The following ITGAE variants were observed in gnomAD, a reference collection of about 807,000 sequenced individuals.
The protein encoded by ITGAE is integrin alpha-E.
A neutral mutation model predicts 136.5 loss-of-function variants in ITGAE; 99 were observed. The ratio of observed to expected loss-of-function variants is 0.73; its 90% confidence interval spans 0.62 to 0.86. The LOEUF is 0.86. Ranked by LOEUF, ITGAE falls within the 40% of genes least tolerant of loss-of-function variation. The pLI, the probability that ITGAE is intolerant of heterozygous loss-of-function variation, is 0.00. For synonymous variants in ITGAE, 613 were observed against 591.8 expected (o/e 1.04, Z -0.52); for missense variants, 1,447 against 1,515.3 (o/e 0.95, Z 0.75).
rs186423998 is a variant in ITGAE at position 3,743,512 on chromosome 17, T to A, written c.2425A>T (p.Thr809Ser). Residue 809 changes from threonine (T) to serine (S), a missense_variant, in exon 19 of 31, where the codon ACT becomes TCT. Physicochemically the swap from Thr to Ser is moderately conservative, Grantham distance 58 (BLOSUM62 1). This residue lies in a region of ITGAE where 1,031 missense variants were observed against 1,011.4 expected (regional missense o/e 1.02). Transcript: ENST00000263087. Reference protein sequence around the residue: ...DHPQPILDRYTEPFAIFQLPY... With the variant: ...DHPQPILDRYSEPFAIFQLPY... The stretch of plus-strand genomic sequence containing the variant: ...ACCTGGAAGATGGCAAAGGGCTCAG[T>A]GTAGCGGTCCAGGATGGGCTGGGGA... The A allele has an allele frequency of 1.9e-6, 3 of 1,608,100 alleles. No homozygotes were observed. The Admixed American group carries it at 5.2e-5, about 28-fold the overall frequency.
At position 3,755,071 on chromosome 17, in the gene ITGAE, G is replaced by GCCCTCATCAGGTGGCCCCA. The variant is rs750507707; in HGVS notation, c.1384+45_1384+46insTGGGGCCACCTGATGAGGG. Reference sequence around the variant, plus strand: ...CTCGCCCAGGGAGCCTCCAGGCCCCGCCCTCATCAGGTGGCCCCGCCCTCA... The same window carrying GCCCTCATCAGGTGGCCCCA: ...CTCGCCCAGGGAGCCTCCAGGCCCCGCCCTCATCAGGTGGCCCCACCCTCATCAGGTGGCCCCGCCCTCA... On this transcript the variant is annotated intron_variant, in intron 12 of 30. Transcript: ENST00000263087. 8.8e-6 allele frequency: 12 copies of GCCCTCATCAGGTGGCCCCA among 1,358,828 alleles called. No homozygotes were observed. The African/African-American group carries it at 1.8e-4, about 20-fold the overall frequency. The allele number at this position is 1,358,828 out of a possible 1,614,324, so 84.2% of individuals were successfully genotyped here. A position where few individuals can be genotyped will look rare whatever the true frequency, so the allele number is the denominator to read the frequency against.
chr17:3,795,692 A>G (rs2053049273), intron 1 of ITGAE, among the ~76,000 whole-genome samples: 1 of 152,222 alleles, frequency 6.6e-6, no homozygotes, highest in Non-Finnish European at 1.5e-5. Flanking sequence ...ACTGAGCTGG[A>G]GCAGGGCTCT....
chr17:3,743,308 C>T (rs1222034712), intron 19 of ITGAE, among the ~76,000 whole-genome samples, 181 bp downstream of exon 19: 1 of 152,246 alleles, frequency 6.6e-6, no homozygotes, highest in Admixed American at 6.5e-5. Flanking sequence ...TGAGTCCTCA[C>T]TCACGGGGAC....
intron 1 of ITGAE, among the ~76,000 whole-genome samples, chr17:3,800,173 G>A (rs1382147694): frequency 6.6e-6 from 1 of 152,202 alleles, no homozygotes; most frequent in African/African-American, 2.4e-5. Context: ...CCAAAAACGT[G>A]TTCCTTGCTG....
intron 2 of ITGAE, among the ~76,000 whole-genome samples, chr17:3,770,321 G>T (rs1245635705): frequency 1.3e-5 from 2 of 151,536 alleles, no homozygotes; most frequent in South Asian, 4.2e-4. Context: ...GTAGAGATGG[G>T]TTTTCACCAT....
At position 3,720,332 on chromosome 17, in the gene ITGAE, A is replaced by T. The variant is rs1401494626; in HGVS notation, c.3308T>A (p.Leu1103Gln). 4 of 1,582,820 alleles carry T rather than the reference A, an allele frequency of 2.5e-6. No individual in the cohort carries two copies. Among genetic ancestry groups the T allele is most frequent in the Non-Finnish European group, 3.5e-6 (4 of 1,151,664 alleles). ...ISFNKSLYEG[L>Q]NAENHRTKIT... ...CTTAGTTCTGTGGTTCTCTGCATTC[A>T]GTCCCTCATATAGAGATTTGTTGAA... is the stretch of plus-strand genomic sequence containing the variant. Residue 1103 changes from leucine to glutamine, a missense_variant, in exon 29 of 31, where the codon CTG (leucine) becomes CAG (glutamine). Physicochemically the swap from Leu to Gln is moderately radical, Grantham distance 113. Around this residue, in one of 3 missense-constraint regions of ITGAE, gnomAD observed 1,031 missense variants for 1,011.4 expected, o/e 1.02. Coordinates refer to ENST00000263087, the MANE Select transcript of ITGAE (RefSeq NM_002208.5).
At chr17:3,771,540 T>C (rs554580723) in intron 2 of ITGAE, among the ~76,000 whole-genome samples, 2,610 of 132,850 alleles carry the variant, frequency 0.02, 86 homozygotes, top group African/African-American at 0.07. Flanking sequence ...TTCTCTTTTT[T>C]TTTTTTTTTT....
intron 1 of ITGAE, among the ~76,000 whole-genome samples, chr17:3,783,781 T>C (rs1000868893): frequency 2.6e-5 from 4 of 152,206 alleles, no homozygotes; most frequent in African/African-American, 4.8e-5. Context: ...GGGAAGGAGA[T>C]ATATGCACAC....
Position 3,777,791 on chromosome 17 carries a change from TGAGA to T in ITGAE, c.35-135_35-132del, listed in dbSNP as rs995399676. ...CTGCCCAGGGATCTTTATGTGTGTG[TGAGA>T]GAGAAAGACTAGACGCAGGTGTATC... On this transcript the variant is annotated intron_variant, in intron 1 of 30. Coordinates refer to ENST00000263087, the MANE Select transcript of ITGAE (RefSeq NM_002208.5). 146 of 1,093,318 alleles carry T rather than the reference TGAGA, an allele frequency of 1.3e-4. 1 individual carries two copies. In the East Asian group the frequency reaches 3.0e-3, roughly 23 times the overall value. 67.7% of individuals were successfully genotyped at this position (1,093,318 alleles called of 1,614,324 possible).
Position 3,781,702 on chromosome 17 carries a change from T to A in ITGAE, c.35-4042A>T, listed in dbSNP as rs373418780. On this transcript the variant is annotated intron_variant, in intron 1 of 30. Transcript: ENST00000263087. ...GAACCTTTTGTCCATCTGGATTTTA[T>A]TTTTACATTTGGAGTGAAATAGGGA... Among the ~76,000 whole-genome samples, 6 of 152,352 alleles carry A rather than the reference T, an allele frequency of 3.9e-5. No homozygotes were observed. The South Asian group carries it at 1.2e-3, about 32-fold the overall frequency.
At chr17:3,784,114 G>A (rs962103776) in intron 1 of ITGAE, among the ~76,000 whole-genome samples, 1 of 151,990 alleles carries the variant, frequency 6.6e-6, no homozygotes, top group Non-Finnish European at 1.5e-5. Context: ...CAAAAAATTA[G>A]CCGGGCGTGG....
intron 17 of ITGAE, among the ~76,000 whole-genome samples, chr17:3,747,158 C>T (rs1597326837): frequency 6.6e-6 from 1 of 152,210 alleles, no homozygotes; most frequent in African/African-American, 2.4e-5. Context: ...GAAAGAGAAA[C>T]CAGGCCTCCA....
chr17:3,767,916 T>TGAG lies in ITGAE; in HGVS notation c.156-3959_156-3957dup, dbSNP rs998849094. 2.6e-5 allele frequency among the ~76,000 whole-genome samples: 4 copies of TGAG among 152,012 alleles called. No individual in the cohort carries two copies. The East Asian group carries it at 7.7e-4, about 29-fold the overall frequency. On this transcript the variant is annotated intron_variant, in intron 2 of 30. Transcript: ENST00000263087. ...TGCAAAGCTTACTATGCTGCAGGCTTGAGGAGGAGGAGGCCGTGAGCCAAG... is the reference window on the plus strand; with the variant it reads ...TGCAAAGCTTACTATGCTGCAGGCTTGAGGAGGAGGAGGAGGCCGTGAGCCAAG...
At chr17:3,783,196 G>A (rs1195489332) in intron 1 of ITGAE, among the ~76,000 whole-genome samples, 1 of 151,996 alleles carries the variant, frequency 6.6e-6, no homozygotes, top group South Asian at 2.1e-4. Flanking sequence ...GCTGGAGTGC[G>A]GTGGCGCGAT....
In ITGAE at chr17:3,750,476, T is replaced by C. The variant is rs2051837795; in HGVS notation, c.1900A>G (p.Arg634Gly). ...GLSASPSQRI[R>G]ASTVAPGLQY... is the part of the protein sequence containing the mutation. ...AGTCCTGGGGCCACCGTGGAGGCTC[T>C]GATCCGCTGTGGAGGCAGAAACACA... Residue 634 changes from arginine (R) to glycine (G), a missense_variant, in exon 16 of 31, where the codon AGA (arginine) becomes GGA (glycine). Around this residue, in one of 3 missense-constraint regions of ITGAE, gnomAD observed 1,031 missense variants for 1,011.4 expected, o/e 1.02. Coordinates refer to ENST00000263087, the MANE Select transcript of ITGAE (RefSeq NM_002208.5). The C allele has an allele frequency of 6.2e-7, 1 of 1,613,958 alleles. No individual in the cohort carries two copies. The highest frequency in any genetic ancestry group is 8.5e-7 in the Non-Finnish European group (1 of 1,180,016).
intron 1 of ITGAE, among the ~76,000 whole-genome samples, chr17:3,791,541 C>T (rs1199528610): frequency 6.6e-6 from 1 of 152,154 alleles, no homozygotes; most frequent in African/African-American, 2.4e-5. Flanking sequence ...CCTCAGCCTC[C>T]CAAAGTGCTG....
intron 9 of ITGAE, 146 bp from the exon 10 acceptor site, chr17:3,757,280 T>G: frequency 9.3e-7 from 1 of 1,072,900 alleles, no homozygotes; most frequent in Non-Finnish European, 1.4e-6. Context: ...CTCCCTGTTC[T>G]ACCCATACTC....
intron 1 of ITGAE, among the ~76,000 whole-genome samples, chr17:3,797,234 C>T (rs1299365892): frequency 1.6e-4 from 23 of 144,738 alleles, no homozygotes; most frequent in South Asian, 9.1e-4. Flanking sequence ...GGCGCAATCT[C>T]GGCTCACTGC....
At chr17:3,717,017 G>A in intron 29 of ITGAE, 1 of 464,088 alleles carries the variant, frequency 2.2e-6, no homozygotes, top group South Asian at 2.3e-5. Context: ...AAACTATTCT[G>A]GCCCCTTATC....
Sources: gnomAD v4.1 joint callset for allele counts (sites outside exome capture counted in the v4.1 genomes callset) on GRCh38, gnomAD v4.1.1 for gene constraint, gnomAD v4.1.1 regional missense constraint, MANE v1.5 for transcripts, NCBI Gene and HGNC (gene_info 2026-07-23, HGNC 2026-07-21) for gene names.